The following MAP1A variants were observed in gnomAD, a reference collection of about 807,000 sequenced individuals.
MAP1A encodes microtubule-associated protein 1A.
In MAP1A, 42 loss-of-function variants were observed where a neutral mutation model predicts 185.9. That is an observed-to-expected ratio of 0.23 (90% CI 0.18 to 0.29). MAP1A has a LOEUF of 0.29. Ranked by LOEUF, MAP1A falls within the 10% of genes least tolerant of loss-of-function variation. The pLI is 1.00. For missense variants in MAP1A, 2,995 were observed against 3,450.4 expected, an observed-to-expected ratio of 0.87 and a Z score of 3.31; for synonymous variants, 1,229 against 1,335.9, an observed-to-expected ratio of 0.92 and a Z score of 1.74.
chr15:43,511,171 C>T (rs937398596), exon 1 of MAP1A: 18 of 1,550,422 alleles, frequency 1.2e-5, no homozygotes, highest in Non-Finnish European at 1.5e-5. Context: ...TAATTGTGAT[C>T]GGCGATATCG....
In MAP1A at chr15:43,529,081, T is replaced by C. The variant is rs373974229; in HGVS notation, c.7608T>C (p.Asp2536=). The change falls in exon 4 of 6, where the codon GAT becomes GAC. Residue 2536 remains aspartate (D), a synonymous_variant. Transcript: ENST00000300231. This position sits in a 1 kb window ranked among gnomAD's most constrained non-coding sequence, Gnocchi z 4.3. ...AGGCAGCCCTCGACTCAGATGAAGA[T>C]GGAGACTTCCTACCTGTGGACAAAG... ...TAEAALDSDE[D]GDFLPVDKAG... 2.2e-5 allele frequency: 36 copies of C among 1,613,728 alleles called. No homozygotes were observed. Among genetic ancestry groups the C allele is most frequent in the Admixed American group, 3.3e-5 (2 of 59,998 alleles).
upstream of MAP1A, among the ~76,000 whole-genome samples, chr15:43,516,813 A>G (rs2079299261): frequency 6.6e-6 from 1 of 152,182 alleles, no homozygotes; most frequent in Non-Finnish European, 1.5e-5. Context: ...CTTGGGCCGG[A>G]GGCCCTGGTG....
chr15:43,527,734 T>G lies in MAP1A; in HGVS notation c.6261T>G (p.Asp2087Glu). The G allele has an allele frequency of 6.2e-7, 1 of 1,609,952 alleles. No individual in the cohort carries two copies. The highest frequency in any genetic ancestry group is 8.5e-7 in the Non-Finnish European group (1 of 1,178,644). The change falls in exon 4 of 6, where the codon GAT becomes GAG. Residue 2087 changes from aspartate (D) to glutamate (E), a missense_variant. Transcript: ENST00000300231. ...GTAACATCCTGAGCTGCAGCCCAGA[T>G]AGGAGGTCCCCATCCCCCAAGGAAT... is the stretch of plus-strand genomic sequence containing the variant. Reference protein sequence around the residue: ...LNGNILSCSPDRRSPSPKESG... With the variant: ...LNGNILSCSPERRSPSPKESG...
intron 1 of MAP1A, among the ~76,000 whole-genome samples, chr15:43,518,302 G>A (rs940907801): frequency 2.0e-5 from 3 of 152,008 alleles, no homozygotes; most frequent in African/African-American, 4.8e-5. Flanking sequence ...CTTTAGAATG[G>A]GACTCTAAAC....
chr15:43,522,195 T>C lies in MAP1A; in HGVS notation c.722T>C (p.Val241Ala). 6.2e-7 allele frequency: 1 copy of C among 1,614,252 alleles called. No individual in the cohort carries two copies. Among genetic ancestry groups the C allele is most frequent in the Non-Finnish European group, 8.5e-7 (1 of 1,180,042 alleles). Reference sequence around the variant, plus strand: ...AATGGGAAGGAGGCTGAGATCTCCGTGCCCTACCTTACCTCTATCACTGCT... The same window carrying C: ...AATGGGAAGGAGGCTGAGATCTCCGCGCCCTACCTTACCTCTATCACTGCT... ...LPNGKEAEIS[V>A]PYLTSITALV... Residue 241 changes from valine to alanine, a missense_variant, in exon 4 of 6, where the codon GTG becomes GCG. Physicochemically the swap from Val to Ala is moderately conservative, Grantham distance 64. Transcript: ENST00000300231. The surrounding 1 kb of genome is among the most constrained non-coding windows in gnomAD (Gnocchi z 5.9).
In MAP1A at chr15:43,522,942, G is replaced by A. The variant is rs750529589; in HGVS notation, c.1469G>A (p.Arg490His). 59 of 1,613,898 alleles carry A rather than the reference G, an allele frequency of 3.7e-5. No individual in the cohort carries two copies. Among genetic ancestry groups the A allele is most frequent in the Admixed American group, 5.0e-5 (3 of 59,982 alleles). The change falls in exon 4 of 6, where the codon CGT (arginine) becomes CAT (histidine). Residue 490 changes from arginine (R) to histidine (H), a missense_variant. Coordinates refer to ENST00000300231, the MANE Select transcript of MAP1A (RefSeq NM_002373.6). The surrounding 1 kb of genome is among the most constrained non-coding windows in gnomAD (Gnocchi z 5.9). ...GGAAGAGTCAAAATAGACAGGAGCC[G>A]TGCTATCCGTGGGGAGAAGGAGCTG... Reference protein sequence around the residue: ...VPGRVKIDRSRAIRGEKELSS... With the variant: ...VPGRVKIDRSHAIRGEKELSS...
At position 43,522,118 on chromosome 15, in the gene MAP1A, C is replaced by T. The variant is rs1289226233; in HGVS notation, c.645C>T (p.Leu215=). ...PVKDSKEMQF[L]MQKWAGNSKA... ...AGGACAGCAAGGAGATGCAGTTCCT[C>T]ATGCAAAAGTGGGCAGGCAATAGTA... The change falls in exon 4 of 6, where the codon CTC becomes CTT. Residue 215 remains leucine, a synonymous_variant. Coordinates refer to ENST00000300231, the MANE Select transcript of MAP1A (RefSeq NM_002373.6). This position sits in a 1 kb window ranked among gnomAD's most constrained non-coding sequence, Gnocchi z 5.9. 3.1e-6 allele frequency: 5 copies of T among 1,614,108 alleles called. No homozygotes were observed. The highest frequency in any genetic ancestry group is 3.3e-5 in the Admixed American group (2 of 60,012).
At position 43,521,110 on chromosome 15, in the gene MAP1A, G is replaced by A. The variant is rs1223815559; in HGVS notation, c.-153G>A. 7.8e-6 allele frequency: 12 copies of A among 1,545,738 alleles called. No homozygotes were observed. The highest frequency in any genetic ancestry group is 3.9e-5 in the Admixed American group (2 of 50,888). On this transcript the variant is annotated splice_region_variant and 5_prime_UTR_variant, in exon 3 of 6. Transcript: ENST00000300231. This position sits in a 1 kb window ranked among gnomAD's most constrained non-coding sequence, Gnocchi z 4.6. ...CTTTGCCCAGGTCCTTCACAACCCC[G>A]AGGTAAGTTCCATGCCAGAGTGTCT...
chr15:43,527,940 C>T lies in MAP1A; in HGVS notation c.6467C>T (p.Pro2156Leu). ...CCTCCCTTGGACTCACACCTGGGGC[C>T]TGCCCGACCCAGTCTGGACTTCCCT... ...VSPPLDSHLG[P>L]ARPSLDFPAS... Residue 2156 changes from proline (P) to leucine (L), a missense_variant, in exon 4 of 6, where the codon CCT becomes CTT. Pro to Leu is a moderately conservative substitution (Grantham distance 98). This residue lies in a region of MAP1A where 2,728 missense variants were observed against 2,986.0 expected (regional missense o/e 0.91). Coordinates refer to ENST00000300231, the MANE Select transcript of MAP1A (RefSeq NM_002373.6). 6.2e-7 allele frequency: 1 copy of T among 1,614,154 alleles called. No individual in the cohort carries two copies. Among genetic ancestry groups the T allele is most frequent in the Non-Finnish European group, 8.5e-7 (1 of 1,180,030 alleles).
Position 43,521,749 on chromosome 15 carries a change from A to G in MAP1A, c.276A>G (p.Ala92=). 1 of 1,614,234 alleles carries G rather than the reference A, an allele frequency of 6.2e-7. No individual in the cohort carries two copies. Among genetic ancestry groups the G allele is most frequent in the Non-Finnish European group, 8.5e-7 (1 of 1,180,048 alleles). The change falls in exon 4 of 6, where the codon GCA becomes GCG. Residue 92 remains alanine, a synonymous_variant. Coordinates refer to ENST00000300231, the MANE Select transcript of MAP1A (RefSeq NM_002373.6). The surrounding 1 kb of genome is among the most constrained non-coding windows in gnomAD (Gnocchi z 4.6). Reference sequence around the variant, plus strand: ...CGGTGCTACTCACACACATTGGGGCAGACAACCTGCCAGGCATCAATGGAC... The same window carrying G: ...CGGTGCTACTCACACACATTGGGGCGGACAACCTGCCAGGCATCAATGGAC... ...IDSVLLTHIG[A]DNLPGINGLL... is the part of the protein sequence containing the mutation.
chr15:43,528,103 C>G lies in MAP1A; in HGVS notation c.6630C>G (p.Thr2210=). Residue 2210 remains threonine (T), a synonymous_variant, in exon 4 of 6, where the codon ACC becomes ACG. Coordinates refer to ENST00000300231, the MANE Select transcript of MAP1A (RefSeq NM_002373.6). The part of the protein sequence containing the change: ...RALALAPGPP[T]RTRHDEYLEV... The stretch of plus-strand genomic sequence containing the variant: ...TGGCTCTGGCTCCAGGACCCCCCAC[C>G]AGAACCCGGCATGATGAATACCTGG... 1 of 1,614,080 alleles carries G rather than the reference C, an allele frequency of 6.2e-7. No individual in the cohort carries two copies. Among genetic ancestry groups the G allele is most frequent in the South Asian group, 1.1e-5 (1 of 91,082 alleles).
chr15:43,526,096 T>A lies in MAP1A; in HGVS notation c.4623T>A (p.Asp1541Glu). 6.2e-7 allele frequency: 1 copy of A among 1,613,842 alleles called. No homozygotes were observed. The highest frequency in any genetic ancestry group is 1.1e-5 in the South Asian group (1 of 91,070). Reference protein sequence around the residue: ...EQKHQAQEQKDKVSEKKDQAL... With the variant: ...EQKHQAQEQKEKVSEKKDQAL... The stretch of plus-strand genomic sequence containing the variant: ...AACACCAGGCCCAGGAACAAAAGGA[T>A]AAAGTCTCAGAAAAGAAGGATCAGG... The change falls in exon 4 of 6, where the codon GAT becomes GAA. Residue 1541 changes from aspartate (D) to glutamate (E), a missense_variant. This residue lies in a region of MAP1A where 2,728 missense variants were observed against 2,986.0 expected (regional missense o/e 0.91). Transcript: ENST00000300231. This position sits in a 1 kb window ranked among gnomAD's most constrained non-coding sequence, Gnocchi z 4.7.
chr15:43,518,610 C>T (rs1260883941), intron 1 of MAP1A, among the ~76,000 whole-genome samples: 1 of 152,020 alleles, frequency 6.6e-6, no homozygotes, highest in Non-Finnish European at 1.5e-5. Flanking sequence ...CACTCACACA[C>T]TGCGGCAAAC....
At chr15:43,512,259 G>C in exon 2 of MAP1A, 2 of 1,548,550 alleles carry the variant, frequency 1.3e-6, no homozygotes, top group South Asian at 1.2e-5. Flanking sequence ...TTCATTACCC[G>C]GCACCTAGCT....
upstream of MAP1A, among the ~76,000 whole-genome samples, chr15:43,516,644 G>A (rs1402154481): frequency 6.6e-6 from 1 of 152,120 alleles, no homozygotes; most frequent in Admixed American, 6.5e-5. Context: ...AGAGACTAAG[G>A]GAAACAGGAT....
In MAP1A at chr15:43,523,463, G is replaced by T; in HGVS notation, c.1990G>T (p.Val664Leu). ...GGCTGAGTTAGAAGAAATGGAGGAG[G>T]TACACCCTTCAGATGAGGAGGAAGA... ...EKAELEEMEE[V>L]HPSDEEEEDA... is the part of the protein sequence containing the mutation. Residue 664 changes from valine (V) to leucine (L), a missense_variant, in exon 4 of 6, where the codon GTA (valine) becomes TTA (leucine). Physicochemically the swap from Val to Leu is conservative, Grantham distance 32 (BLOSUM62 1). Transcript: ENST00000300231. The T allele has an allele frequency of 6.2e-7, 1 of 1,613,922 alleles. No individual in the cohort carries two copies. Among genetic ancestry groups the T allele is most frequent in the South Asian group, 1.1e-5 (1 of 91,060 alleles).
In MAP1A at chr15:43,529,190, C is replaced by T; in HGVS notation, c.7717C>T (p.Pro2573Ser). 2 of 1,584,408 alleles carry T rather than the reference C, an allele frequency of 1.3e-6. No homozygotes were observed. Among genetic ancestry groups the T allele is most frequent in the Middle Eastern group, 1.7e-4 (1 of 5,962 alleles). Residue 2573 changes from proline (P) to serine (S), a missense_variant, in exon 4 of 6, where the codon CCC (proline) becomes TCC (serine). This residue lies in a region of MAP1A where 2,728 missense variants were observed against 2,986.0 expected (regional missense o/e 0.91). Transcript: ENST00000300231. The surrounding 1 kb of genome is among the most constrained non-coding windows in gnomAD (Gnocchi z 4.3). The stretch of plus-strand genomic sequence containing the variant: ...ACAGCCAGACCCCCGCCCATCCCCT[C>T]CCCGCCCTGATGTGTGCATGGCTGA... The part of the protein sequence containing the change: ...LPQPDPRPSP[P>S]RPDVCMADPE...
chr15:43,524,223 T>A lies in MAP1A; in HGVS notation c.2750T>A (p.Val917Glu). The A allele has an allele frequency of 6.2e-7, 1 of 1,614,118 alleles. No individual in the cohort carries two copies. The highest frequency in any genetic ancestry group is 8.5e-7 in the Non-Finnish European group (1 of 1,180,022). ...TCACCACCCTGTGAGGACTTCTCTG[T>A]GACTGGGGAGTCAGAGAAGAGAGGA... Reference protein sequence around the residue: ...FKSPPCEDFSVTGESEKRGEI... With the variant: ...FKSPPCEDFSETGESEKRGEI... Residue 917 changes from valine (V) to glutamate (E), a missense_variant, in exon 4 of 6, where the codon GTG becomes GAG. Coordinates refer to ENST00000300231, the MANE Select transcript of MAP1A (RefSeq NM_002373.6).
rs771523785 is a variant in MAP1A, at chr15:43,524,038, A to T, written c.2565A>T (p.Thr855=). ...VAEDQSVASL[T]APQTEETGKS... ...AGGACCAATCTGTGGCCTCACTTACAGCTCCCCAGACAGAGGAGACAGGCA... is the reference window on the plus strand; with the variant it reads ...AGGACCAATCTGTGGCCTCACTTACTGCTCCCCAGACAGAGGAGACAGGCA... The change falls in exon 4 of 6, where the codon ACA becomes ACT. Residue 855 remains threonine (T), a synonymous_variant. Transcript: ENST00000300231. The T allele has an allele frequency of 6.2e-7, 1 of 1,614,030 alleles. No individual in the cohort carries two copies. Among genetic ancestry groups the T allele is most frequent in the Admixed American group, 1.7e-5 (1 of 60,016 alleles).
Sources: allele counts gnomAD v4.1 joint callset (sites outside exome capture counted in the v4.1 genomes callset), GRCh38; gene constraint gnomAD v4.1.1; regional missense constraint gnomAD v4.1.1; non-coding constraint Gnocchi (gnomAD v3.1); transcripts MANE v1.5; gene names NCBI Gene and HGNC (gene_info 2026-07-23, HGNC 2026-07-21).